Variants in ANK3 observed in about 807,000 individuals in gnomAD.
ANK3 encodes the protein ankyrin 3.
Under a neutral mutation model 370.9 loss-of-function variants are expected in ANK3, and 57 were observed. The ratio of observed to expected loss-of-function variants is 0.15; its 90% CI spans 0.12 to 0.19. ANK3 has a LOEUF of 0.19. Ranked by LOEUF, ANK3 falls within the 10% of genes least tolerant of loss-of-function variation. The probability of loss-of-function intolerance (pLI) is 1.00; values close to 1 mark genes in which losing one functional copy is unlikely to be tolerated. For missense variants in ANK3, 4,439 were observed against 5,302.1 expected, an observed-to-expected ratio of 0.84 and a Z score of 5.06; for synonymous variants, 1,929 against 1,946.3, an observed-to-expected ratio of 0.99 and a Z score of 0.23.
chr10:60,639,326 A>G lies in ANK3; in HGVS notation c.58-24102T>C, dbSNP rs146820028. On this transcript the variant is annotated intron_variant, in intron 1 of 43. Coordinates refer to the ANK3 transcript ENST00000373827. ...AAAGTTTTAGACCAAAAAGAAAAAA[A>G]AAAGCTTAGAGAATTTATTACCACT... is the stretch of plus-strand genomic sequence containing the variant. Among the ~76,000 whole-genome samples, 138 of 151,756 alleles carry G rather than the reference A, an allele frequency of 9.1e-4. 1 individual carries two copies. The highest frequency in any genetic ancestry group is 1.8e-3 in the Non-Finnish European group (121 of 67,804).
intron 7 of ANK3, among the ~76,000 whole-genome samples, chr10:60,240,093 TAC>T (rs1201824557): frequency 1.3e-4 from 18 of 140,690 alleles, no homozygotes; most frequent in East Asian, 2.0e-4. Flanking sequence ...ACACTATATA[TAC>T]ACACACATAA....
chr10:60,055,966 T>G lies in ANK3; in HGVS notation c.12757A>C (p.Ser4253Arg), dbSNP rs1448769107. Residue 4253 changes from serine to arginine, a missense_variant, in exon 42 of 44, where the codon AGC becomes CGC. Ser to Arg is a moderately radical substitution (Grantham distance 110). This residue lies in a region of ANK3 where 242 missense variants were observed against 228.0 expected (regional missense o/e 1.06). Coordinates refer to ENST00000280772, the MANE Select transcript of ANK3 (RefSeq NM_020987.5). ...GCTTCTGGAGTGATTTCTGTATGGC[T>G]TCCATTTGCTTCAAATTTGCCAGCT... ...GEAGKFEANG[S>R]HTEITPEAKT... 1 of 1,614,012 alleles carries G rather than the reference T, an allele frequency of 6.2e-7. No individual in the cohort carries two copies. Among genetic ancestry groups the G allele is most frequent in the South Asian group, 1.1e-5 (1 of 91,078 alleles).
In ANK3 at chr10:60,063,211, A is replaced by G. The variant is rs374346074; in HGVS notation, c.12495T>C (p.Asp4165=). The change falls in exon 40 of 44, where the codon GAT becomes GAC. Residue 4165 remains aspartate, a synonymous_variant. Coordinates refer to ENST00000280772, the MANE Select transcript of ANK3 (RefSeq NM_020987.5). ...TSVLTKINRI[D]IVTLLEGPIF... ...TTGGTCCTTCTAGCAGTGTCACTAT[A>G]TCTATTCGATTAATTTTTGTCAAGA... The G allele has an allele frequency of 3.7e-5, 59 of 1,610,832 alleles. No individual in the cohort carries two copies. Among genetic ancestry groups the G allele is most frequent in the Admixed American group, 6.7e-5 (4 of 59,490 alleles).
chr10:60,543,614 G>A (rs1345426570), intron 2 of ANK3, among the ~76,000 whole-genome samples: 1 of 151,942 alleles, frequency 6.6e-6, no homozygotes, highest in Non-Finnish European at 1.5e-5. Context: ...CCTCTTTGGG[G>A]AGGGATTTCT....
intron 24 of ANK3, among the ~76,000 whole-genome samples, chr10:60,135,939 C>A (rs531387659): frequency 6.6e-6 from 1 of 152,006 alleles, no homozygotes; most frequent in South Asian, 2.1e-4. Flanking sequence ...AACCATCATT[C>A]TGCAGTCATT....
At chr10:60,300,090 C>T (rs2043357697) in intron 1 of ANK3, among the ~76,000 whole-genome samples, 1 of 152,150 alleles carries the variant, frequency 6.6e-6, no homozygotes. Flanking sequence ...CTTAGCTGAA[C>T]TCACTCCAAA....
intron 1 of ANK3, among the ~76,000 whole-genome samples, chr10:60,706,757 C>A (rs923075484): frequency 3.9e-5 from 6 of 152,078 alleles, no homozygotes; most frequent in African/African-American, 1.2e-4. Flanking sequence ...CTCAAGATGG[C>A]CACAATTACT....
rs1589220293 is a variant in ANK3, at chr10:60,047,277, GTATTAA to G, written c.13066-4524_13066-4519del. 2.6e-5 allele frequency among the ~76,000 whole-genome samples: 4 copies of G among 152,206 alleles called. No individual in the cohort carries two copies. The East Asian group carries it at 5.8e-4, about 22-fold the overall frequency. Reference sequence around the variant, plus strand: ...TGTTACATTTTCACCTCTGGTGACGGTATTAATGAAAATTAACTGTACTTCCCTCTG... The same window carrying G: ...TGTTACATTTTCACCTCTGGTGACGGTGAAAATTAACTGTACTTCCCTCTG... On this transcript the variant is annotated intron_variant, in intron 42 of 43. Coordinates refer to ENST00000280772, the MANE Select transcript of ANK3 (RefSeq NM_020987.5).
chr10:60,210,068 T>G (rs1478671819), intron 9 of ANK3, among the ~76,000 whole-genome samples: 2 of 152,182 alleles, frequency 1.3e-5, no homozygotes, highest in Non-Finnish European at 2.9e-5. Flanking sequence ...ACGGGTCAGA[T>G]GGCCTTAAGG....
chr10:60,237,743 C>G (rs1188805055), intron 7 of ANK3, among the ~76,000 whole-genome samples: 1 of 152,156 alleles, frequency 6.6e-6, no homozygotes, highest in African/African-American at 2.4e-5. Context: ...TTCTCCACCT[C>G]TCTGGCCCTT....
intron 9 of ANK3, among the ~76,000 whole-genome samples, chr10:60,212,783 AAGT>A (rs2096877089): frequency 6.6e-6 from 1 of 152,172 alleles, no homozygotes; most frequent in Non-Finnish European, 1.5e-5. Context: ...TAATTAATAA[AAGT>A]AGTAGTGACA....
intron 2 of ANK3, among the ~76,000 whole-genome samples, chr10:60,400,828 C>A (rs879283913): frequency 7.9e-5 from 12 of 152,140 alleles, no homozygotes; most frequent in Non-Finnish European, 1.2e-4. Flanking sequence ...TTAAGCCCAG[C>A]ATGCATTAAC....
At chr10:60,350,604 T>G (rs1285283601) in intron 1 of ANK3, among the ~76,000 whole-genome samples, 3 of 152,226 alleles carry the variant, frequency 2.0e-5, no homozygotes, top group African/African-American at 7.2e-5. Context: ...AGAGATTCTC[T>G]TAAACCTCAG....
intron 42 of ANK3, among the ~76,000 whole-genome samples, chr10:60,052,471 GA>G (rs2078267697): frequency 6.6e-6 from 1 of 152,178 alleles, no homozygotes; most frequent in Admixed American, 6.5e-5. Context: ...ATAAATGTAT[GA>G]AAGCTTGAAA....
chr10:60,712,837 A>G (rs908870532), intron 1 of ANK3, among the ~76,000 whole-genome samples: 21 of 152,212 alleles, frequency 1.4e-4, no homozygotes, highest in Non-Finnish European at 2.9e-4. Flanking sequence ...CGCTGACTTC[A>G]GAGCAAGGAA....
At chr10:60,294,548 C>A (rs1468151340) in intron 1 of ANK3, among the ~76,000 whole-genome samples, 1 of 152,078 alleles carries the variant, frequency 6.6e-6, no homozygotes, top group Non-Finnish European at 1.5e-5. Flanking sequence ...TTTTAAAAAA[C>A]AAATATACCA....
At chr10:60,508,658 C>T (rs2076000866) in intron 2 of ANK3, 1 of 152,526 alleles carries the variant, frequency 6.6e-6, no homozygotes, top group Admixed American at 6.6e-5. Context: ...TTAAATCTCT[C>T]TAATCATGAA....
intron 1 of ANK3, among the ~76,000 whole-genome samples, chr10:60,383,084 G>A (rs2061767963): frequency 6.6e-6 from 1 of 151,864 alleles, no homozygotes; most frequent in African/African-American, 2.4e-5. Flanking sequence ...GGTTTTGATG[G>A]CCCAAGCAAG....
intron 2 of ANK3, among the ~76,000 whole-genome samples, chr10:60,614,131 A>G (rs2078237562): frequency 6.6e-6 from 1 of 152,186 alleles, no homozygotes; most frequent in Non-Finnish European, 1.5e-5. Flanking sequence ...TACAGAAACA[A>G]AATAACTAAA....
Sources: gnomAD v4.1 joint callset for allele counts (sites outside exome capture counted in the v4.1 genomes callset) on GRCh38, gnomAD v4.1.1 for gene constraint, gnomAD v4.1.1 regional missense constraint, MANE v1.5 for transcripts, NCBI Gene and HGNC (gene_info 2026-07-23, HGNC 2026-07-21) for gene names.